The following NAA35 variants were observed in gnomAD, a reference collection of about 807,000 sequenced individuals.
The protein encoded by NAA35 is N-alpha-acetyltransferase 35, NatC auxiliary subunit.
Under a neutral mutation model 101.7 loss-of-function variants are expected in NAA35, and 18 were observed. That is an observed-to-expected ratio of 0.18 (90% CI 0.12 to 0.26). NAA35 has a LOEUF of 0.26. NAA35 is among the 10% of genes least tolerant of loss of function. The pLI, the probability that NAA35 is intolerant of heterozygous loss-of-function variation, is 1.00. For synonymous variants in NAA35, 267 were observed against 273.1 expected, an observed-to-expected ratio of 0.98 and a Z score of 0.22; for missense variants, 601 against 886.8, an observed-to-expected ratio of 0.68 and a Z score of 4.09.
At chr9:85,956,858 G>A (rs112119428) in intron 3 of NAA35, among the ~76,000 whole-genome samples, 1 of 152,204 alleles carries the variant, frequency 6.6e-6, no homozygotes, top group African/African-American at 2.4e-5. Flanking sequence ...GTTCAAGACT[G>A]GGCAACTGCG....
At position 85,972,366 on chromosome 9, in the gene NAA35, C is replaced by T. The variant is rs553176928; in HGVS notation, c.517-2601C>T. On this transcript the variant is annotated intron_variant, in intron 6 of 22. Transcript: ENST00000361671. ...ACTAAAAATACAAAAAAATTTAGCC[C>T]GGTGTGGTGGTGCATGCCTGTATTC... 1.2e-4 allele frequency among the ~76,000 whole-genome samples: 18 copies of T among 151,454 alleles called. No individual in the cohort carries two copies. The East Asian group carries it at 1.7e-3, about 15-fold the overall frequency.
At chr9:85,959,943 C>A in intron 5 of NAA35, 76 bp downstream of exon 5, 2 of 1,069,040 alleles carry the variant, frequency 1.9e-6, no homozygotes, top group Non-Finnish European at 2.8e-6. Flanking sequence ...AAAGCCTATA[C>A]ACTAATGTTG....
At chr9:85,949,924 TG>T (rs958122655) in intron 2 of NAA35, among the ~76,000 whole-genome samples, 2 of 152,194 alleles carry the variant, frequency 1.3e-5, no homozygotes, top group Non-Finnish European at 2.9e-5. Context: ...AACAGTTTGG[TG>T]GTAATACTAA....
chr9:85,964,055 G>A (rs1474483620), intron 6 of NAA35, among the ~76,000 whole-genome samples: 7 of 151,696 alleles, frequency 4.6e-5, no homozygotes, highest in Admixed American at 4.6e-4. Context: ...TGTTGAGGAT[G>A]GGAAAACAGG....
At chr9:86,021,022 A>T in intron 22 of NAA35, 53 bp downstream of exon 22, 1 of 1,337,048 alleles carries the variant, frequency 7.5e-7, no homozygotes, top group Non-Finnish European at 1.0e-6. Context: ...GAAGTTTCAT[A>T]AGTTTTGCAA....
chr9:85,964,014 G>A (rs918432865), intron 6 of NAA35, among the ~76,000 whole-genome samples: 3 of 152,080 alleles, frequency 2.0e-5, no homozygotes, highest in Non-Finnish European at 4.4e-5. Flanking sequence ...AGCCATTGTT[G>A]GCAAAGATTA....
intron 12 of NAA35, among the ~76,000 whole-genome samples, chr9:85,997,845 G>A (rs962481440): frequency 3.3e-5 from 5 of 152,132 alleles, no homozygotes; most frequent in Admixed American, 6.5e-5. Context: ...ATATAAATGT[G>A]TATATATATG....
In NAA35 at chr9:86,023,470, C is replaced by T. The variant is rs1233110369; in HGVS notation, c.*1510C>T. On this transcript the variant is annotated 3_prime_UTR_variant, in exon 23 of 23. Coordinates refer to ENST00000361671, the MANE Select transcript of NAA35 (RefSeq NM_024635.4). ...AAGAGGAAAACAGAATGAGCATGGA[C>T]ATTTGGCAAACAACCAAGAAGAGAG... Among the ~76,000 whole-genome samples the T allele has an allele frequency of 1.3e-5, 2 of 152,180 alleles. No homozygotes were observed. Among genetic ancestry groups the T allele is most frequent in the African/African-American group, 4.8e-5 (2 of 41,430 alleles).
Position 86,006,267 on chromosome 9 carries a change from C to T in NAA35, c.1117-1091C>T, listed in dbSNP as rs78560144. Among the ~76,000 whole-genome samples the T allele has an allele frequency of 7.6e-4, 116 of 152,168 alleles. 1 individual carries two copies. The East Asian group carries it at 0.017, about 22-fold the overall frequency. On this transcript the variant is annotated intron_variant, in intron 13 of 22. Coordinates refer to ENST00000361671, the MANE Select transcript of NAA35 (RefSeq NM_024635.4). ...AGCTGCTTTGGAAAATAGCTTGGCA[C>T]GTTCTTATAAATTAAACATGCAGCT...
In NAA35 at chr9:85,950,864, C is replaced by T. The variant is rs188864206; in HGVS notation, c.125-5496C>T. On this transcript the variant is annotated intron_variant, in intron 2 of 22. Coordinates refer to ENST00000361671, the MANE Select transcript of NAA35 (RefSeq NM_024635.4). ...TTTAAAAATGATGATGGGCCGGGCA[C>T]GGTGGCTCACGCCTGTAATCCTAGC... 7.8e-3 allele frequency among the ~76,000 whole-genome samples: 1,187 copies of T among 152,206 alleles called. 7 individuals are homozygous for T. Among genetic ancestry groups the T allele is most frequent in the Non-Finnish European group, 0.014 (957 of 68,000 alleles).
chr9:86,008,699 C>T (rs1831757927), intron 14 of NAA35, among the ~76,000 whole-genome samples: 1 of 152,100 alleles, frequency 6.6e-6, no homozygotes, highest in South Asian at 2.1e-4. Context: ...ATATGGAAAA[C>T]TTTATTGTGT....
At chr9:85,950,788 A>G (rs1828984087) in intron 2 of NAA35, among the ~76,000 whole-genome samples, 1 of 152,140 alleles carries the variant, frequency 6.6e-6, no homozygotes, top group Non-Finnish European at 1.5e-5. Flanking sequence ...TGTATTACAT[A>G]TATATATGTG....
chr9:85,976,406 A>G (rs575012361), intron 8 of NAA35, among the ~76,000 whole-genome samples: 24 of 152,142 alleles, frequency 1.6e-4, no homozygotes, highest in Non-Finnish European at 2.5e-4. Context: ...AAAATATACT[A>G]TGTGCCATAT....
In NAA35 at chr9:86,018,474, C is replaced by T. The variant is rs956236448; in HGVS notation, c.1914+79C>T. 7 of 1,465,904 alleles carry T rather than the reference C, an allele frequency of 4.8e-6. No homozygotes were observed. In the East Asian group the frequency reaches 1.6e-4, roughly 34 times the overall value. The allele number at this position is 1,465,904 out of a possible 1,614,324, so 90.8% of individuals were successfully genotyped here. ...AGAGATGCTGTTTGTACCTAGCCAT[C>T]TTGTTACATTAACAGTTATTTAAAT... On this transcript the variant is annotated intron_variant, in intron 20 of 22. Coordinates refer to ENST00000361671, the MANE Select transcript of NAA35 (RefSeq NM_024635.4).
intron 2 of NAA35, among the ~76,000 whole-genome samples, chr9:85,955,360 A>ATATATTTTTT (rs749448250): frequency 1.9e-4 from 10 of 53,928 alleles, no homozygotes; most frequent in East Asian, 7.6e-4. Context: ...ATATATATAT[A>ATATATTTTTT]TTTTTTTTTT....
intron 11 of NAA35, among the ~76,000 whole-genome samples, chr9:85,989,976 G>T (rs754505047): frequency 6.6e-6 from 1 of 152,174 alleles, no homozygotes; most frequent in Non-Finnish European, 1.5e-5. Flanking sequence ...TTCAAGTTTG[G>T]TGCTTGTCGT....
At chr9:85,987,799 A>G (rs1830715909) in intron 11 of NAA35, among the ~76,000 whole-genome samples, 1 of 152,226 alleles carries the variant, frequency 6.6e-6, no homozygotes, top group African/African-American at 2.4e-5. Flanking sequence ...GAATGGATAG[A>G]TTTTCTTAGT....
chr9:85,941,883 GTT>G, intron 1 of NAA35: 2 of 1,152,702 alleles, frequency 1.7e-6, no homozygotes, highest in South Asian at 6.7e-5. Context: ...AGGTGAGATG[GTT>G]TGTGATTTTT....
intron 8 of NAA35, 50 bp from the exon 9 acceptor site, chr9:85,976,635 T>G (rs550078419): frequency 7.6e-7 from 1 of 1,311,988 alleles, no homozygotes; most frequent in Admixed American, 2.3e-5. Context: ...GTATTTGTAA[T>G]GTAATATTTT....
Sources: allele counts gnomAD v4.1 joint callset (sites outside exome capture counted in the v4.1 genomes callset), GRCh38; gene constraint gnomAD v4.1.1; transcripts MANE v1.5; gene names NCBI Gene and HGNC (gene_info 2026-07-23, HGNC 2026-07-21).